EPX: variants seen among roughly 807,000 people sequenced by gnomAD.
The protein encoded by EPX is eosinophil peroxidase.
EPX carries 60 observed loss-of-function variants against 73.0 expected under a neutral mutation model. That is an observed-to-expected ratio of 0.82 (90% CI 0.67 to 1.02). The LOEUF (loss-of-function observed/expected upper bound fraction) is 1.02, where lower values mean the gene tolerates loss of function less well. Ranked by LOEUF, EPX falls within the 50% of genes least tolerant of loss-of-function variation. The probability of loss-of-function intolerance (pLI) is 0.00; values close to 1 mark genes in which losing one functional copy is unlikely to be tolerated. For missense variants in EPX, 950 were observed against 973.9 expected, an observed-to-expected ratio of 0.98 and a Z score of 0.33; for synonymous variants, 347 against 389.2, an observed-to-expected ratio of 0.89 and a Z score of 1.28.
chr17:58,198,909 G>T, intron 7 of EPX, 131 bp from the exon 8 acceptor site: 1 of 913,808 alleles, frequency 1.1e-6, no homozygotes, highest in Non-Finnish European at 1.8e-6. Flanking sequence ...CACAGCTGAA[G>T]AGATGGAGGT....
chr17:58,193,835 C>T lies in EPX; in HGVS notation c.464+4C>T, dbSNP rs767174841. The T allele has an allele frequency of 1.2e-5, 19 of 1,607,034 alleles. No individual in the cohort carries two copies. The highest frequency in any genetic ancestry group is 2.7e-5 in the African/African-American group (2 of 74,820). On this transcript the variant is annotated splice_donor_region_variant and intron_variant, in intron 4 of 12. Transcript: ENST00000225371. ...TCACTGGACGGTGCAACAACAAGTG[C>T]GTGCGGGGCGGCAGGAGGGGCTGCC...
chr17:58,204,497 G>A (rs1968401793), intron 12 of EPX, 63 bp downstream of exon 12: 3 of 973,722 alleles, frequency 3.1e-6, no homozygotes, highest in Middle Eastern at 2.4e-4. Context: ...TCCCTGGATG[G>A]ATGGCTGAGT....
rs1393778491 is a variant in EPX at position 58,204,856 on chromosome 17, G to C, written c.*132G>C. 4.8e-6 allele frequency: 1 copy of C among 207,896 alleles called. No homozygotes were observed. The highest frequency in any genetic ancestry group is 2.3e-5 in the African/African-American group (1 of 43,436). 12.9% of individuals were successfully genotyped at this position (207,896 alleles called of 1,614,324 possible). ...TTCTGCTGGCTACAGCTCAGAGCTG[G>C]GTTCCCCAGCCAGGAGTGAAGGCTG... On this transcript the variant is annotated 3_prime_UTR_variant, in exon 13 of 13. Coordinates refer to ENST00000225371, the MANE Select transcript of EPX (RefSeq NM_000502.6).
At chr17:58,200,678 T>C (rs929158734) in intron 10 of EPX, among the ~76,000 whole-genome samples, 4 of 151,986 alleles carry the variant, frequency 2.6e-5, no homozygotes, top group African/African-American at 9.7e-5. Flanking sequence ...ACTTTCCAAG[T>C]AGAAAAAAAG....
rs1376874281 is a variant in EPX at position 58,203,189 on chromosome 17, A to G, written c.1817A>G (p.Tyr606Cys). ...QDLARKFLNL[Y>C]GTPDNIDIWI... ...TTGGCAAGGAAGTTCCTGAATTTGTATGGAACACCTGACAACATTGACATC... is the reference window on the plus strand; with the variant it reads ...TTGGCAAGGAAGTTCCTGAATTTGTGTGGAACACCTGACAACATTGACATC... The change falls in exon 11 of 13, where the codon TAT becomes TGT. Residue 606 changes from tyrosine (Y) to cysteine (C), a missense_variant. Physicochemically the swap from Tyr to Cys is radical, Grantham distance 194. Coordinates refer to ENST00000225371, the MANE Select transcript of EPX (RefSeq NM_000502.6). 6.2e-7 allele frequency: 1 copy of G among 1,614,154 alleles called. No individual in the cohort carries two copies. Among genetic ancestry groups the G allele is most frequent in the Admixed American group, 1.7e-5 (1 of 60,030 alleles).
chr17:58,196,945 C>G lies in EPX; in HGVS notation c.808C>G (p.Pro270Ala), dbSNP rs1968264328. The G allele has an allele frequency of 6.2e-7, 1 of 1,613,382 alleles. No homozygotes were observed. The highest frequency in any genetic ancestry group is 1.3e-5 in the African/African-American group (1 of 74,894). The change falls in exon 7 of 13, where the codon CCC becomes GCC. Residue 270 changes from proline (P) to alanine (A), a missense_variant. Coordinates refer to ENST00000225371, the MANE Select transcript of EPX (RefSeq NM_000502.6). The part of the protein sequence containing the change: ...LPPCFPIKIP[P>A]NDPRIKNQRD... ...GTCTCCTCTTCCATCTCAGATCCCA[C>G]CCAATGACCCCCGCATCAAGAACCA...
At chr17:58,196,028 C>T (rs552813720) in intron 6 of EPX, among the ~76,000 whole-genome samples, 16 of 134,552 alleles carry the variant, frequency 1.2e-4, no homozygotes, top group African/African-American at 2.6e-4. Context: ...TTCCTTCCTT[C>T]CTTTCTTTCT....
At chr17:58,199,327 G>T in intron 8 of EPX, 127 bp downstream of exon 8, 1 of 1,166,516 alleles carries the variant, frequency 8.6e-7, no homozygotes, top group South Asian at 1.3e-5. Flanking sequence ...ACCTGGACCT[G>T]TCCTCTGGCC....
intron 10 of EPX, among the ~76,000 whole-genome samples, chr17:58,201,563 G>C (rs1968341461): frequency 6.6e-6 from 1 of 152,202 alleles, no homozygotes; most frequent in Non-Finnish European, 1.5e-5. Context: ...ATGGGCAGGA[G>C]GGGTCTGGGT....
chr17:58,193,605 A>G, intron 3 of EPX, 59 bp downstream of exon 3: 1 of 1,587,172 alleles, frequency 6.3e-7, no homozygotes, highest in Non-Finnish European at 8.6e-7. Context: ...GAAGGAATCC[A>G]GGAGAGGGAG....
At chr17:58,203,007 A>T (rs1049899340) in intron 10 of EPX, 74 bp from the exon 11 acceptor site, 2 of 1,106,532 alleles carry the variant, frequency 1.8e-6, no homozygotes, top group African/African-American at 1.5e-5. Flanking sequence ...TTCCCCCCAG[A>T]GGACTGGTGG....
chr17:58,193,436 C>G lies in EPX; in HGVS notation c.236C>G (p.Pro79Arg). The G allele has an allele frequency of 6.2e-7, 1 of 1,614,152 alleles. No homozygotes were observed. Among genetic ancestry groups the G allele is most frequent in the African/African-American group, 1.3e-5 (1 of 75,058 alleles). The change falls in exon 3 of 13, where the codon CCG (proline) becomes CGG (arginine). Residue 79 changes from proline to arginine, a missense_variant. Coordinates refer to ENST00000225371, the MANE Select transcript of EPX (RefSeq NM_000502.6). ...GACCTCCTGTCCTACTTCAAACAAC[C>G]GGTAGCAGCCACCAGGACAGTTGTT... ...PMDLLSYFKQPVAATRTVVRA... is the reference protein window; with the variant it reads ...PMDLLSYFKQRVAATRTVVRA...
intron 1 of EPX, 30 bp from the exon 2 acceptor site, chr17:58,193,008 T>C: frequency 6.3e-7 from 1 of 1,595,538 alleles, no homozygotes; most frequent in Non-Finnish European, 8.6e-7. Context: ...TGTGGCTTGC[T>C]GAACCCTGAG....
At chr17:58,197,494 G>A (rs1021373183) in intron 7 of EPX, among the ~76,000 whole-genome samples, 9 of 152,186 alleles carry the variant, frequency 5.9e-5, no homozygotes, top group Admixed American at 1.3e-4. Flanking sequence ...GGCTCTCACC[G>A]CCTCTATGGC....
chr17:58,200,014 T>A (rs1181297701), intron 9 of EPX, among the ~76,000 whole-genome samples: 1 of 152,202 alleles, frequency 6.6e-6, no homozygotes. Context: ...GAGACTAATG[T>A]CAGATTGATG....
intron 10 of EPX, chr17:58,202,431 C>A (rs1481002478): frequency 2.6e-5 from 4 of 153,108 alleles, no homozygotes; most frequent in Non-Finnish European, 5.8e-5. Context: ...ATGAAATAGA[C>A]AATTCAATGA....
At chr17:58,202,858 C>T in intron 10 of EPX, 1 of 581,906 alleles carries the variant, frequency 1.7e-6, no homozygotes, top group Non-Finnish European at 3.1e-6. Context: ...TTAGGACACA[C>T]TCCTCAGTCT....
chr17:58,199,047 C>G lies in EPX; in HGVS notation c.1128C>G (p.Thr376=). 1 of 1,613,652 alleles carries G rather than the reference C, an allele frequency of 6.2e-7. No homozygotes were observed. The highest frequency in any genetic ancestry group is 8.5e-7 in the Non-Finnish European group (1 of 1,179,970). ...GAGCTTGGGGTTTTCAAGGTGACAC[C>G]CGATCAACGGAAACCCCCAAACTGG... ...ARIPCFLAGD[T]RSTETPKLAA... Residue 376 remains threonine, a synonymous_variant, in exon 8 of 13, where the codon ACC becomes ACG. Transcript: ENST00000225371.
Position 58,197,208 on chromosome 17 carries a change from C to T in EPX, c.1071C>T (p.Asp357=). 1 of 1,613,592 alleles carries T rather than the reference C, an allele frequency of 6.2e-7. No individual in the cohort carries two copies. Among genetic ancestry groups the T allele is most frequent in the Non-Finnish European group, 8.5e-7 (1 of 1,180,026 alleles). The change falls in exon 7 of 13, where the codon GAC becomes GAT. Residue 357 remains aspartate, a synonymous_variant. Transcript: ENST00000225371. ...TGCCCTTCGACAACCTGCACGATGACCCCTGTCTCCTCACCAACCGCTCGG... is the reference window on the plus strand; with the variant it reads ...TGCCCTTCGACAACCTGCACGATGATCCCTGTCTCCTCACCAACCGCTCGG... ...ALLPFDNLHD[D]PCLLTNRSAR...
Sources: gnomAD v4.1 joint callset for allele counts (sites outside exome capture counted in the v4.1 genomes callset) on GRCh38, gnomAD v4.1.1 for gene constraint, MANE v1.5 for transcripts, NCBI Gene and HGNC (gene_info 2026-07-23, HGNC 2026-07-21) for gene names.